The following COPB2 variants were observed in gnomAD, a reference collection of about 807,000 sequenced individuals.
The protein encoded by COPB2 is coatomer subunit beta'.
Under a neutral mutation model 120.8 loss-of-function variants are expected in COPB2, and 16 were observed. The ratio of observed to expected loss-of-function variants is 0.13; its 90% CI spans 0.09 to 0.20. The LOEUF (loss-of-function observed/expected upper bound fraction) is 0.20, where lower values mean the gene tolerates loss of function less well. Ranked by LOEUF, COPB2 falls within the 10% of genes least tolerant of loss-of-function variation. The pLI is 1.00. For missense variants in COPB2, 794 were observed against 1,076.5 expected, an observed-to-expected ratio of 0.74 and a Z score of 3.67; for synonymous variants, 332 against 366.3, an observed-to-expected ratio of 0.91 and a Z score of 1.07.
upstream of COPB2, chr3:139,389,680 C>A: frequency 9.9e-7 from 1 of 1,013,702 alleles, no homozygotes; most frequent in Non-Finnish European, 1.4e-6. Flanking sequence ...TCGCGATAGT[C>A]AGAGGCCAGG....
chr3:139,378,983 G>A, intron 4 of COPB2, 64 bp downstream of exon 4: 1 of 1,477,018 alleles, frequency 6.8e-7, no homozygotes, highest in Non-Finnish European at 9.1e-7. Flanking sequence ...AGCATAGCAT[G>A]TCTCAGTGAA....
At chr3:139,371,892 A>C (rs2107803375) in intron 9 of COPB2, 59 bp from the exon 10 acceptor site, 1 of 1,279,256 alleles carries the variant, frequency 7.8e-7, no homozygotes, top group East Asian at 2.4e-5. Context: ...GTAGAAGTTA[A>C]GGAACAATAA....
chr3:139,378,966 C>G, intron 4 of COPB2, 81 bp downstream of exon 4: 1 of 1,364,870 alleles, frequency 7.3e-7, no homozygotes, highest in East Asian at 2.4e-5. Context: ...TTTGTAACAG[C>G]AGTTAAAGCA....
chr3:139,361,071 T>G lies in COPB2; in HGVS notation c.2210+10A>C. Reference sequence around the variant, plus strand: ...TGTAGAATTAATTAATCTTTTAAATTAATACTCACTTGCCCTGTAAAAAGT... The same window carrying G: ...TGTAGAATTAATTAATCTTTTAAATGAATACTCACTTGCCCTGTAAAAAGT... On this transcript the variant is annotated intron_variant, in intron 17 of 21. Coordinates refer to ENST00000333188, the MANE Select transcript of COPB2 (RefSeq NM_004766.3). 1 of 1,613,574 alleles carries G rather than the reference T, an allele frequency of 6.2e-7. No homozygotes were observed. Among genetic ancestry groups the G allele is most frequent in the Non-Finnish European group, 8.5e-7 (1 of 1,179,536 alleles).
rs755801425 is a variant in COPB2, at chr3:139,374,558, G to A, written c.682C>T (p.His228Tyr). 5.6e-6 allele frequency: 9 copies of A among 1,613,810 alleles called. No individual in the cohort carries two copies. In the African/African-American group the frequency reaches 1.2e-4, roughly 22 times the overall value. The part of the protein sequence containing the change: ...NKTCVQTLEG[H>Y]AQNVSCASFH... Reference sequence around the variant, plus strand: ...CTGGCACAAGACACATTTTGGGCATGTCCTTCCAGTGTCTGCACACATGTT... The same window carrying A: ...CTGGCACAAGACACATTTTGGGCATATCCTTCCAGTGTCTGCACACATGTT... The change falls in exon 7 of 22, where the codon CAT becomes TAT. Residue 228 changes from histidine (H) to tyrosine (Y), a missense_variant. By Grantham distance (83) the His-to-Tyr change is moderately conservative. Coordinates refer to ENST00000333188, the MANE Select transcript of COPB2 (RefSeq NM_004766.3).
chr3:139,380,525 A>G (rs937036717), intron 2 of COPB2: 1 of 145,844 alleles, frequency 6.9e-6, no homozygotes, highest in Non-Finnish European at 1.5e-5. Context: ...AGATCATGGT[A>G]CCTCTTTGTT....
intron 15 of COPB2, among the ~76,000 whole-genome samples, chr3:139,365,302 T>C (rs1009182568): frequency 2.6e-5 from 4 of 151,996 alleles, no homozygotes; most frequent in Non-Finnish European, 5.9e-5. Context: ...GTACTAAGAA[T>C]GAGGAATAAA....
Position 139,366,767 on chromosome 3 carries a change from T to C in COPB2, c.1685A>G (p.Tyr562Cys), listed in dbSNP as rs755266006. 2.5e-6 allele frequency: 4 copies of C among 1,612,616 alleles called. No homozygotes were observed. The South Asian group carries it at 4.4e-5, about 18-fold the overall frequency. ...VTIAHLDRTM[Y>C]LLGYIPKDNR... ...GTCTTTAGGAATGTAGCCTAGGAGATACATCGTCCTATAAAAGAAACAGAA... is the reference window on the plus strand; with the variant it reads ...GTCTTTAGGAATGTAGCCTAGGAGACACATCGTCCTATAAAAGAAACAGAA... Residue 562 changes from tyrosine to cysteine, a missense_variant, in exon 15 of 22, where the codon TAT becomes TGT. Coordinates refer to ENST00000333188, the MANE Select transcript of COPB2 (RefSeq NM_004766.3).
chr3:139,385,270 C>T (rs913959862), intron 1 of COPB2: 3 of 152,310 alleles, frequency 2.0e-5, no homozygotes, highest in Non-Finnish European at 4.4e-5. Context: ...ATCTCCTGAC[C>T]TTGTGATCCG....
chr3:139,373,138 C>T (rs1183469005), intron 9 of COPB2, 75 bp downstream of exon 9: 3 of 1,439,232 alleles, frequency 2.1e-6, no homozygotes, highest in African/African-American at 2.8e-5. Context: ...AACCACAGGG[C>T]AAGAGTGGAC....
At chr3:139,380,694 A>T (rs1007264797) in intron 2 of COPB2, 1 of 152,262 alleles carries the variant, frequency 6.6e-6, no homozygotes, top group Admixed American at 6.5e-5. Context: ...GGACCGGTTC[A>T]TAAGAACTGT....
In COPB2 at chr3:139,357,723, TTG is replaced by T. The variant is rs1431159125; in HGVS notation, c.*138_*139del. 2 of 495,054 alleles carry T rather than the reference TTG, an allele frequency of 4.0e-6. No individual in the cohort carries two copies. The highest frequency in any genetic ancestry group is 4.0e-5 in the African/African-American group (2 of 50,020). 30.7% of individuals were successfully genotyped at this position (495,054 alleles called of 1,614,324 possible). ...AACTCTTCTTAAGATGATGTGGGCA[TTG>T]TGCTCCCAGTGGTCCACAGCATTTA... On this transcript the variant is annotated 3_prime_UTR_variant, in exon 22 of 22. Transcript: ENST00000333188.
At chr3:139,374,640 G>A in intron 6 of COPB2, 52 bp from the exon 7 acceptor site, 1 of 1,463,612 alleles carries the variant, frequency 6.8e-7, no homozygotes, top group South Asian at 1.2e-5. Flanking sequence ...CATGTAACCA[G>A]CCCGCCCTTA....
intron 13 of COPB2, among the ~76,000 whole-genome samples, chr3:139,367,469 G>A (rs551176899): frequency 2.7e-4 from 41 of 151,980 alleles, no homozygotes; most frequent in African/African-American, 8.7e-4. Context: ...TATGTTTTTC[G>A]TAGAGACAGG....
intron 15 of COPB2, among the ~76,000 whole-genome samples, chr3:139,364,073 G>A (rs1343281425): frequency 2.6e-5 from 4 of 151,904 alleles, no homozygotes; most frequent in Non-Finnish European, 5.9e-5. Flanking sequence ...AGCTCCCAAC[G>A]ACACACAGAA....
intron 15 of COPB2, among the ~76,000 whole-genome samples, chr3:139,365,417 T>C (rs1941496508): frequency 6.6e-6 from 1 of 152,356 alleles, no homozygotes; most frequent in East Asian, 1.9e-4. Flanking sequence ...AATGGTTGAA[T>C]ATGTTTTAGG....
At chr3:139,362,326 A>G (rs1941435615) in intron 16 of COPB2, 81 bp downstream of exon 16, 2 of 922,664 alleles carry the variant, frequency 2.2e-6, no homozygotes, top group Non-Finnish European at 3.2e-6. Context: ...GAAAACTTTA[A>G]TAACAAAACA....
chr3:139,386,497 C>A (rs1005258325), intron 1 of COPB2, among the ~76,000 whole-genome samples: 22 of 152,168 alleles, frequency 1.4e-4, no homozygotes, highest in Non-Finnish European at 2.9e-5. Flanking sequence ...CCTTGTGATC[C>A]ACCCACCTCG....
chr3:139,375,712 C>T lies in COPB2; in HGVS notation c.505-98G>A, dbSNP rs954576318. The T allele has an allele frequency of 2.4e-5, 32 of 1,350,696 alleles. No individual in the cohort carries two copies. The African/African-American group carries it at 4.7e-4, about 20-fold the overall frequency. The allele number at this position is 1,350,696 out of a possible 1,614,324, so 83.7% of individuals were successfully genotyped here. ...GACACATTATGTAAAATGCCAAAGC[C>T]CAGGAGAGAAGAGCTATCAAATTTT... On this transcript the variant is annotated intron_variant, in intron 5 of 21. Transcript: ENST00000333188.
Sources: allele counts gnomAD v4.1 joint callset (sites outside exome capture counted in the v4.1 genomes callset), GRCh38; gene constraint gnomAD v4.1.1; transcripts MANE v1.5; gene names NCBI Gene and HGNC (gene_info 2026-07-23, HGNC 2026-07-21).